CDK14: variants seen among roughly 807,000 people sequenced by gnomAD.
The protein encoded by CDK14 is cyclin-dependent kinase 14.
Under a neutral mutation model 60.7 loss-of-function variants are expected in CDK14, and 34 were observed. That is an observed-to-expected ratio of 0.56 (90% confidence interval 0.43 to 0.75). The LOEUF (loss-of-function observed/expected upper bound fraction) is 0.75. Among genes scored for constraint, CDK14 ranks in the 30% least tolerant of loss-of-function variants. The pLI is 0.00. For synonymous variants in CDK14, 197 were observed against 203.7 expected (o/e 0.97, Z 0.28); for missense variants, 482 against 564.1 (o/e 0.85, Z 1.47).
At chr7:90,871,554 T>A (rs1304760633) in intron 6 of CDK14, among the ~76,000 whole-genome samples, 1 of 152,208 alleles carries the variant, frequency 6.6e-6, no homozygotes, top group Non-Finnish European at 1.5e-5. Context: ...CTTAGAAGAA[T>A]GCTCAATTAT....
chr7:91,010,782 TTCTTTCCC>T (rs1294241800), intron 10 of CDK14, among the ~76,000 whole-genome samples: 7 of 144,024 alleles, frequency 4.9e-5, no homozygotes, highest in African/African-American at 1.6e-4. Flanking sequence ...CTTTCCTTCC[TTCTTTCCC>T]TCCTTCCTTC....
At chr7:90,728,951 G>T (rs1802743647) in intron 3 of CDK14, among the ~76,000 whole-genome samples, 1 of 151,422 alleles carries the variant, frequency 6.6e-6, no homozygotes, top group Admixed American at 6.6e-5. Context: ...ATTTTTTTTA[G>T]GACATATAAA....
At chr7:90,995,676 G>C (rs73229177) in intron 10 of CDK14, among the ~76,000 whole-genome samples, 2 of 152,172 alleles carry the variant, frequency 1.3e-5, no homozygotes, top group African/African-American at 4.8e-5. Flanking sequence ...GACATGTTTA[G>C]TGTGTGCCAG....
chr7:91,008,201 C>T (rs1796048467), intron 10 of CDK14, among the ~76,000 whole-genome samples: 1 of 148,984 alleles, frequency 6.7e-6, no homozygotes, highest in Non-Finnish European at 1.5e-5. Context: ...TAATTCCACT[C>T]AAGAATTTGT....
At chr7:90,782,549 C>T (rs1350402900) in intron 4 of CDK14, among the ~76,000 whole-genome samples, 1 of 152,070 alleles carries the variant, frequency 6.6e-6, no homozygotes, top group Non-Finnish European at 1.5e-5. Context: ...TTTGACATGC[C>T]TCAGTCGTTT....
At chr7:91,098,961 G>C (rs991276672) in intron 12 of CDK14, among the ~76,000 whole-genome samples, 1 of 152,072 alleles carries the variant, frequency 6.6e-6, no homozygotes, top group Non-Finnish European at 1.5e-5. Context: ...GGTTTATTGA[G>C]AACATAAACT....
At chr7:90,989,001 AGT>A (rs10696275) in intron 10 of CDK14, among the ~76,000 whole-genome samples, 5,275 of 149,824 alleles carry the variant, frequency 0.035, 122 homozygotes, top group South Asian at 0.071. Context: ...TTTGTGTGTG[AGT>A]GTGTGTGTGT....
intron 4 of CDK14, among the ~76,000 whole-genome samples, chr7:90,779,582 A>T (rs1475856251): frequency 2.6e-5 from 4 of 152,154 alleles, no homozygotes; most frequent in Non-Finnish European, 5.9e-5. Flanking sequence ...TGTATTCTTT[A>T]AAAAAGAACT....
chr7:90,818,886 ATGTGTGTG>A (rs10540162), intron 5 of CDK14, among the ~76,000 whole-genome samples: 14 of 149,822 alleles, frequency 9.3e-5, no homozygotes, highest in African/African-American at 2.9e-4. Context: ...GTGTATATAT[ATGTGTGTG>A]TGTGTGTGTG....
chr7:91,046,735 G>A (rs1039335141), intron 11 of CDK14, among the ~76,000 whole-genome samples: 15 of 151,734 alleles, frequency 9.9e-5, no homozygotes, highest in Admixed American at 2.0e-4. Flanking sequence ...CTTACAAAAT[G>A]CAGACCCACC....
At chr7:90,702,597 T>TATATAGGA (rs2116618585) in intron 2 of CDK14, among the ~76,000 whole-genome samples, 1 of 152,138 alleles carries the variant, frequency 6.6e-6, no homozygotes, top group South Asian at 2.1e-4. Context: ...CACATTTTAA[T>TATATAGGA]TTCAGTTTTT....
chr7:90,927,010 G>C (rs1389692604), intron 8 of CDK14, among the ~76,000 whole-genome samples: 3 of 152,150 alleles, frequency 2.0e-5, no homozygotes, highest in African/African-American at 7.2e-5. Context: ...TAGGGAGGAA[G>C]GGTGCTCAGA....
chr7:90,962,267 A>G (rs1014457934), intron 9 of CDK14, among the ~76,000 whole-genome samples: 29 of 152,158 alleles, frequency 1.9e-4, no homozygotes, highest in African/African-American at 5.8e-4. Flanking sequence ...CGGGTGGATC[A>G]CCTGAGGGCA....
chr7:91,088,409 A>G (rs907748654), intron 12 of CDK14, among the ~76,000 whole-genome samples: 7 of 152,204 alleles, frequency 4.6e-5, no homozygotes, highest in Non-Finnish European at 7.3e-5. Context: ...AACAACAACA[A>G]AAATGCACTG....
chr7:90,707,832 G>C (rs1801933477), intron 2 of CDK14, among the ~76,000 whole-genome samples: 1 of 152,078 alleles, frequency 6.6e-6, no homozygotes, highest in African/African-American at 2.4e-5. Context: ...TATTTATACT[G>C]AATAGAGCAC....
chr7:90,702,654 C>G (rs1202328083), intron 2 of CDK14, among the ~76,000 whole-genome samples: 1 of 149,234 alleles, frequency 6.7e-6, no homozygotes, highest in Admixed American at 6.8e-5. Flanking sequence ...TATTTATTGT[C>G]GAATATCCAG....
intron 14 of CDK14, among the ~76,000 whole-genome samples, chr7:91,206,029 C>T (rs909713848): frequency 6.6e-6 from 1 of 152,066 alleles, no homozygotes; most frequent in African/African-American, 2.4e-5. Context: ...CTCCTGACCT[C>T]GTGATCTGCC....
At chr7:90,623,079 A>G (rs138164009) in intron 2 of CDK14, among the ~76,000 whole-genome samples, 1 of 150,794 alleles carries the variant, frequency 6.6e-6, no homozygotes, top group Non-Finnish European at 1.5e-5. Flanking sequence ...CTCGTATTAT[A>G]TATATATTTT....
chr7:91,093,361 G>A (rs1216176322), intron 12 of CDK14, among the ~76,000 whole-genome samples: 2 of 152,134 alleles, frequency 1.3e-5, no homozygotes, highest in African/African-American at 4.8e-5. Context: ...AGAGAAACAG[G>A]AACCAATCAT....
Sources: allele counts gnomAD v4.1 joint callset (sites outside exome capture counted in the v4.1 genomes callset), GRCh38; gene constraint gnomAD v4.1.1; transcripts MANE v1.5; gene names NCBI Gene and HGNC (gene_info 2026-07-23, HGNC 2026-07-21).